Variants in ASTN2 observed in about 807,000 individuals in gnomAD.
ASTN2 encodes the protein astrotactin-2.
Under a neutral mutation model 139.8 loss-of-function variants are expected in ASTN2, and 54 were observed. The observed-to-expected ratio is 0.39, with a 90% confidence interval of 0.31 to 0.48. The LOEUF (loss-of-function observed/expected upper bound fraction) is 0.48. Ranked by LOEUF, ASTN2 falls within the 20% of genes least tolerant of loss-of-function variation. The pLI, the probability that ASTN2 is intolerant of heterozygous loss-of-function variation, is 0.95. For missense variants in ASTN2, 1,565 were observed against 1,725.1 expected, an observed-to-expected ratio of 0.91 and a Z score of 1.64; for synonymous variants, 756 against 719.5, an observed-to-expected ratio of 1.05 and a Z score of -0.81.
At chr9:117,263,057 T>C (rs572676902) in intron 2 of ASTN2, among the ~76,000 whole-genome samples, 2 of 152,322 alleles carry the variant, frequency 1.3e-5, no homozygotes, top group South Asian at 4.1e-4. Flanking sequence ...AACTGTAAGA[T>C]ACTAAATCTG....
intron 5 of ASTN2, among the ~76,000 whole-genome samples, chr9:117,095,769 C>T (rs1828825153): frequency 6.6e-6 from 1 of 152,100 alleles, no homozygotes; most frequent in Non-Finnish European, 1.5e-5. Flanking sequence ...TATTTCATTT[C>T]CTCTTTTGAA....
At chr9:116,432,285 T>C (rs1478412393) in intron 22 of ASTN2, among the ~76,000 whole-genome samples, 1 of 152,234 alleles carries the variant, frequency 6.6e-6, no homozygotes, top group Non-Finnish European at 1.5e-5. Flanking sequence ...TAAGTCATGT[T>C]TTCCCATTTG....
chr9:116,944,210 A>T (rs1400673457), intron 10 of ASTN2, among the ~76,000 whole-genome samples: 1 of 152,056 alleles, frequency 6.6e-6, no homozygotes, highest in Non-Finnish European at 1.5e-5. Flanking sequence ...GCAGAGCTCA[A>T]ATTTAAATCT....
At chr9:116,810,425 T>G (rs1004600443) in intron 12 of ASTN2, among the ~76,000 whole-genome samples, 7 of 152,198 alleles carry the variant, frequency 4.6e-5, no homozygotes, top group African/African-American at 1.7e-4. Flanking sequence ...ACTTAACCTC[T>G]CTGTACCGCC....
chr9:116,538,624 T>G (rs1258284344), intron 19 of ASTN2, among the ~76,000 whole-genome samples: 2 of 152,174 alleles, frequency 1.3e-5, no homozygotes, highest in African/African-American at 4.8e-5. Flanking sequence ...AAATTCTTCA[T>G]GTTGATCTAA....
chr9:116,725,204 G>C (rs573010408), intron 16 of ASTN2, among the ~76,000 whole-genome samples: 1 of 152,254 alleles, frequency 6.6e-6, no homozygotes, highest in African/African-American at 2.4e-5. Context: ...CCAGCACCTG[G>C]TCTGAGGAAT....
intron 2 of ASTN2, among the ~76,000 whole-genome samples, chr9:117,256,402 A>G (rs1358009894): frequency 6.6e-6 from 1 of 152,174 alleles, no homozygotes; most frequent in African/African-American, 2.4e-5. Flanking sequence ...ATTTTACTAT[A>G]TCTCACACAT....
intron 2 of ASTN2, among the ~76,000 whole-genome samples, chr9:117,278,270 T>G (rs924592976): frequency 6.6e-6 from 1 of 152,216 alleles, no homozygotes; most frequent in African/African-American, 2.4e-5. Context: ...AGCAGTCTGG[T>G]AAGTTTTCCA....
At chr9:117,011,144 G>T (rs935619113) in intron 6 of ASTN2, among the ~76,000 whole-genome samples, 1 of 152,174 alleles carries the variant, frequency 6.6e-6, no homozygotes, top group East Asian at 1.9e-4. Flanking sequence ...GAACTTAGAA[G>T]CTCTAAATGC....
intron 15 of ASTN2, among the ~76,000 whole-genome samples, chr9:116,728,141 T>A (rs907340236): frequency 6.6e-6 from 1 of 152,184 alleles, no homozygotes; most frequent in African/African-American, 2.4e-5. Context: ...CATTTATTTT[T>A]AAAAATTCCT....
At chr9:117,336,033 T>C (rs1013057775) in intron 1 of ASTN2, among the ~76,000 whole-genome samples, 3 of 139,440 alleles carry the variant, frequency 2.2e-5, no homozygotes, top group African/African-American at 8.1e-5. Flanking sequence ...GTAGGCAGCT[T>C]AAGGAGACAG....
intron 20 of ASTN2, among the ~76,000 whole-genome samples, chr9:116,459,436 T>C (rs1019738083): frequency 2.0e-5 from 3 of 152,062 alleles, no homozygotes; most frequent in African/African-American, 4.8e-5. Flanking sequence ...TTAAAACTTT[T>C]GTGCCTCAAA....
At chr9:116,684,188 G>T (rs1442307884) in intron 16 of ASTN2, among the ~76,000 whole-genome samples, 1 of 152,116 alleles carries the variant, frequency 6.6e-6, no homozygotes, top group African/African-American at 2.4e-5. Flanking sequence ...GATTCCTCAT[G>T]GAACAGAGTT....
At chr9:117,125,188 A>T (rs1458723414) in intron 4 of ASTN2, among the ~76,000 whole-genome samples, 2 of 152,168 alleles carry the variant, frequency 1.3e-5, no homozygotes, top group Non-Finnish European at 2.9e-5. Context: ...TTGTCTTCAA[A>T]CACCCTTTGT....
chr9:116,797,749 C>T (rs950008843), intron 13 of ASTN2, among the ~76,000 whole-genome samples: 1 of 152,160 alleles, frequency 6.6e-6, no homozygotes, highest in Non-Finnish European at 1.5e-5. Context: ...CCTGAGAGTG[C>T]ACAAACACAA....
chr9:116,877,972 G>T (rs1833347907), intron 10 of ASTN2, among the ~76,000 whole-genome samples: 1 of 152,184 alleles, frequency 6.6e-6, no homozygotes. Context: ...CAACATCACT[G>T]ATTGTTATAG....
intron 5 of ASTN2, among the ~76,000 whole-genome samples, chr9:117,064,554 G>C (rs533727441): frequency 6.6e-6 from 1 of 152,216 alleles, no homozygotes; most frequent in South Asian, 2.1e-4. Context: ...CGCAGAAATA[G>C]AAAGTCAAAT....
Position 117,164,780 on chromosome 9 carries a change from C to T in ASTN2, c.1016-23302G>A, listed in dbSNP as rs115568776. On this transcript the variant is annotated intron_variant, in intron 3 of 22. Transcript: ENST00000313400. Reference sequence around the variant, plus strand: ...CTGCTGCTGTGAACTTTGCTGGGAGCCTACCCATCCCTCACTGGGCATCTG... The same window carrying T: ...CTGCTGCTGTGAACTTTGCTGGGAGTCTACCCATCCCTCACTGGGCATCTG... 7.8e-3 allele frequency among the ~76,000 whole-genome samples: 1,184 copies of T among 152,134 alleles called. 14 individuals are homozygous for T. The highest frequency in any genetic ancestry group is 0.027 in the African/African-American group (1,134 of 41,526).
At chr9:116,565,415 A>ATT (rs1294670958) in intron 19 of ASTN2, among the ~76,000 whole-genome samples, 37 of 102,242 alleles carry the variant, frequency 3.6e-4, no homozygotes, top group African/African-American at 5.9e-4. Flanking sequence ...ATATATATAT[A>ATT]TATATATATA....
Sources: gnomAD v4.1 joint callset for allele counts (sites outside exome capture counted in the v4.1 genomes callset) on GRCh38, gnomAD v4.1.1 for gene constraint, MANE v1.5 for transcripts, NCBI Gene and HGNC (gene_info 2026-07-23, HGNC 2026-07-21) for gene names.